SH3GL3: variants seen among roughly 807,000 people sequenced by gnomAD.
The protein encoded by SH3GL3 is endophilin-A3.
SH3GL3 carries 33 observed loss-of-function variants against 47.7 expected under a neutral mutation model. The observed-to-expected ratio is 0.69, with a 90% CI of 0.52 to 0.92. SH3GL3 has a LOEUF of 0.92. SH3GL3 is among the 40% of genes least tolerant of loss of function. SH3GL3 has a pLI of 0.00. For synonymous variants in SH3GL3, 155 were observed against 148.8 expected (o/e 1.04, Z -0.30); for missense variants, 363 against 417.8 (o/e 0.87, Z 1.14).
chr15:83,590,919 T>G (rs1323808083), intron 8 of SH3GL3, among the ~76,000 whole-genome samples: 1 of 152,254 alleles, frequency 6.6e-6, no homozygotes, highest in Non-Finnish European at 1.5e-5. Context: ...TTTTTAATTC[T>G]TATGAAGTCC....
chr15:83,482,840 C>G (rs1341819968), intron 1 of SH3GL3, among the ~76,000 whole-genome samples: 1 of 152,098 alleles, frequency 6.6e-6, no homozygotes, highest in Non-Finnish European at 1.5e-5. Flanking sequence ...TTTTCTAAGT[C>G]TCTCATTTGG....
intron 1 of SH3GL3, among the ~76,000 whole-genome samples, chr15:83,476,869 T>G (rs2041123171): frequency 6.6e-6 from 1 of 152,244 alleles, no homozygotes; most frequent in African/African-American, 2.4e-5. Flanking sequence ...GCGGTATGCA[T>G]GTTTCTGAAG....
chr15:83,468,023 G>C lies in SH3GL3; in HGVS notation c.45+20445G>C, dbSNP rs565375146. On this transcript the variant is annotated intron_variant, in intron 1 of 8. Transcript: ENST00000427482. ...TCTGTTATATTTTTAGTAGAGACAG[G>C]GTTTCACCATGTTAGCCAGGATGGT... 2.0e-5 allele frequency among the ~76,000 whole-genome samples: 3 copies of C among 152,186 alleles called. No individual in the cohort carries two copies. In the South Asian group the frequency reaches 6.2e-4, roughly 32 times the overall value.
intron 6 of SH3GL3, among the ~76,000 whole-genome samples, chr15:83,580,447 GCCC>G (rs2059801387): frequency 2.6e-5 from 4 of 152,306 alleles, no homozygotes; most frequent in African/African-American, 7.2e-5. Context: ...GGCAGCAGAG[GCCC>G]TGACACTTCC....
At position 83,463,360 on chromosome 15, in the gene SH3GL3, A is replaced by G. The variant is rs567608617; in HGVS notation, c.45+15782A>G. ...TGGCTTTGAGCTTCTGGAAAAAATGAACTCTTTCCAAGCAGCTTACATGAG... is the reference window on the plus strand; with the variant it reads ...TGGCTTTGAGCTTCTGGAAAAAATGGACTCTTTCCAAGCAGCTTACATGAG... On this transcript the variant is annotated intron_variant, in intron 1 of 8. Transcript: ENST00000427482. 3.3e-5 allele frequency among the ~76,000 whole-genome samples: 5 copies of G among 152,286 alleles called. No homozygotes were observed. The South Asian group carries it at 6.2e-4, about 19-fold the overall frequency.
chr15:83,470,172 A>G (rs983160494), intron 1 of SH3GL3, among the ~76,000 whole-genome samples: 7 of 152,098 alleles, frequency 4.6e-5, no homozygotes, highest in African/African-American at 1.7e-4. Flanking sequence ...TGCTCGCATA[A>G]TATATACATT....
chr15:83,624,938 G>A, the SH3GL3 span, among the ~76,000 whole-genome samples: 1 of 152,168 alleles, frequency 6.6e-6, no homozygotes, highest in African/African-American at 2.4e-5. Flanking sequence ...CCACCTGAAG[G>A]AAGGATTTGT....
chr15:83,526,241 G>A (rs2043415254), intron 1 of SH3GL3, among the ~76,000 whole-genome samples: 1 of 152,190 alleles, frequency 6.6e-6, no homozygotes, highest in South Asian at 2.1e-4. Flanking sequence ...TTCAATCATT[G>A]TGGAAAGCAG....
intron 1 of SH3GL3, among the ~76,000 whole-genome samples, chr15:83,463,825 G>A (rs951360572): frequency 6.9e-6 from 1 of 144,924 alleles, no homozygotes; most frequent in Admixed American, 7.2e-5. Context: ...CTGGAGTGCA[G>A]TGGCACGATA....
chr15:83,497,217 C>A (rs1190702393), intron 1 of SH3GL3, among the ~76,000 whole-genome samples: 3 of 152,116 alleles, frequency 2.0e-5, no homozygotes, highest in African/African-American at 7.2e-5. Context: ...TCTTGAAGAC[C>A]CGTTACAGCC....
intron 8 of SH3GL3, among the ~76,000 whole-genome samples, chr15:83,607,898 A>T (rs2060568744): frequency 6.6e-6 from 1 of 151,284 alleles, no homozygotes; most frequent in African/African-American, 2.4e-5. Flanking sequence ...CAACAACAAA[A>T]AAAACAACCC....
intron 8 of SH3GL3, among the ~76,000 whole-genome samples, chr15:83,615,620 T>C (rs1253557491): frequency 1.3e-5 from 2 of 152,148 alleles, no homozygotes; most frequent in Non-Finnish European, 2.9e-5. Flanking sequence ...CCTGTTAACA[T>C]TTATTATAAA....
chr15:83,514,360 T>C (rs1047092727), intron 1 of SH3GL3, among the ~76,000 whole-genome samples: 1 of 152,026 alleles, frequency 6.6e-6, no homozygotes, highest in African/African-American at 2.4e-5. Flanking sequence ...AGGGGCATCA[T>C]ATCCACAATT....
chr15:83,525,671 T>A (rs569053890), intron 1 of SH3GL3, among the ~76,000 whole-genome samples: 1 of 152,320 alleles, frequency 6.6e-6, no homozygotes, highest in South Asian at 2.1e-4. Flanking sequence ...GTTTAAGTCT[T>A]AAATCTATTT....
rs71156081 is a variant in SH3GL3, at chr15:83,448,442, A to ATGTGTGTGTGTG, written c.45+892_45+903dup. ...AAACAGGAGGGGAGACATGAAATTG[A>ATGTGTGTGTGTG]TGTGTGTGTGTGTGTGTGTGTGTGT... On this transcript the variant is annotated intron_variant, in intron 1 of 8. Coordinates refer to ENST00000427482, the MANE Select transcript of SH3GL3 (RefSeq NM_003027.5). This position sits in a 1 kb window ranked among gnomAD's most constrained non-coding sequence, Gnocchi z 4.2. Among the ~76,000 whole-genome samples the ATGTGTGTGTGTG allele has an allele frequency of 0.052, 7,265 of 140,590 alleles. 239 individuals carry two copies. The highest frequency in any genetic ancestry group is 0.06 in the African/African-American group (2,199 of 36,360). The allele number at this position is 140,590 out of a possible 152,430, so 92.2% of individuals were successfully genotyped here. A position where few individuals can be genotyped will look rare whatever the true frequency, so the allele number is the denominator to read the frequency against.
intron 8 of SH3GL3, among the ~76,000 whole-genome samples, chr15:83,601,596 G>A (rs2060380747): frequency 6.6e-6 from 1 of 152,112 alleles, no homozygotes; most frequent in Non-Finnish European, 1.5e-5. Flanking sequence ...GATTCATTTA[G>A]CTAGTATATT....
At chr15:83,498,159 C>G (rs1030494910) in intron 1 of SH3GL3, among the ~76,000 whole-genome samples, 3 of 152,294 alleles carry the variant, frequency 2.0e-5, no homozygotes, top group Non-Finnish European at 2.9e-5. Context: ...TGGACACCCC[C>G]ACACACCTCA....
intron 1 of SH3GL3, among the ~76,000 whole-genome samples, chr15:83,473,854 G>GT: frequency 2.1e-5 from 3 of 140,544 alleles, no homozygotes; most frequent in Middle Eastern, 7.5e-3. Flanking sequence ...GCCTGTTGGG[G>GT]CTTTTTTTTT....
At chr15:83,471,066 C>G (rs1003459874) in intron 1 of SH3GL3, among the ~76,000 whole-genome samples, 1 of 152,110 alleles carries the variant, frequency 6.6e-6, no homozygotes, top group African/African-American at 2.4e-5. Flanking sequence ...TATGTTTACC[C>G]ATATTTTTGC....
Sources: allele counts gnomAD v4.1 joint callset (sites outside exome capture counted in the v4.1 genomes callset), GRCh38; gene constraint gnomAD v4.1.1; non-coding constraint Gnocchi (gnomAD v3.1); transcripts MANE v1.5; gene names NCBI Gene and HGNC (gene_info 2026-07-23, HGNC 2026-07-21).